Variants in SKI observed in about 807,000 individuals in gnomAD.
SKI encodes SKI proto-oncogene, also known as ski oncogene.
Under a neutral mutation model 59.3 loss-of-function variants are expected in SKI, and 23 were observed. That is an observed-to-expected ratio of 0.39 (90% CI 0.28 to 0.55). The LOEUF (loss-of-function observed/expected upper bound fraction) is 0.55, where lower values mean the gene tolerates loss of function less well. Among genes scored for constraint, SKI ranks in the 20% least tolerant of loss-of-function variants. The pLI is 0.67. For synonymous variants in SKI, 673 were observed against 488.6 expected (o/e 1.38, Z -4.98); for missense variants, 1,017 against 1,038.9 (o/e 0.98, Z 0.29).
chr1:2,270,560 T>TG lies in SKI; in HGVS notation c.970-32414dup, dbSNP rs1192412061. Among the ~76,000 whole-genome samples, 1 of 151,992 alleles carries TG rather than the reference T, an allele frequency of 6.6e-6. No individual in the cohort carries two copies. The highest frequency in any genetic ancestry group is 2.4e-5 in the African/African-American group (1 of 41,420). ...GCAGTGTGCAGTGTTGAGGGGGCGC[T>TG]GGGGAAACAAGCTGCCGGCTGAGGA... is the stretch of plus-strand genomic sequence containing the variant. On this transcript the variant is annotated intron_variant, in intron 1 of 6. Coordinates refer to ENST00000378536, the MANE Select transcript of SKI (RefSeq NM_003036.4). This position sits in a 1 kb window ranked among gnomAD's most constrained non-coding sequence, Gnocchi z 4.1.
chr1:2,283,660 G>C (rs1639965695), intron 1 of SKI, among the ~76,000 whole-genome samples: 2 of 152,194 alleles, frequency 1.3e-5, no homozygotes, highest in South Asian at 4.1e-4. Flanking sequence ...TCCAGCCCAG[G>C]GGGCTTCAGG....
chr1:2,240,603 G>T, intron 1 of SKI: 1 of 985,434 alleles, frequency 1.0e-6, no homozygotes. Flanking sequence ...ATTTTAAGAA[G>T]CAGAGTTCTC....
rs747283757 is a variant in SKI, at chr1:2,229,474, C to G, written c.708C>G (p.Leu236=). Residue 236 remains leucine (L), a synonymous_variant, in exon 1 of 7, where the codon CTC becomes CTG. Coordinates refer to ENST00000378536, the MANE Select transcript of SKI (RefSeq NM_003036.4). The surrounding 1 kb of genome is among the most constrained non-coding windows in gnomAD (Gnocchi z 6.3). Reference sequence around the variant, plus strand: ...GTAAGGGGCTGCTGGTGCCCGAGCTCTACAGCAGCCCGAGCGCCGCCTGCA... The same window carrying G: ...GTAAGGGGCTGCTGGTGCCCGAGCTGTACAGCAGCCCGAGCGCCGCCTGCA... ...GKCKGLLVPE[L]YSSPSAACIQ... is the part of the protein sequence containing the mutation. 1.9e-6 allele frequency: 3 copies of G among 1,611,828 alleles called. No homozygotes were observed. The highest frequency in any genetic ancestry group is 2.7e-5 in the African/African-American group (2 of 75,060).
At chr1:2,304,685 T>C in intron 5 of SKI, 100 bp downstream of exon 5, 4 of 1,453,634 alleles carry the variant, frequency 2.8e-6, no homozygotes, top group Non-Finnish European at 3.6e-6. Flanking sequence ...CCTTCCTGGC[T>C]GCCCCATGCG....
chr1:2,277,018 T>G (rs1435501026), intron 1 of SKI, among the ~76,000 whole-genome samples: 1 of 152,204 alleles, frequency 6.6e-6, no homozygotes, highest in African/African-American at 2.4e-5. Context: ...CTGTGGGTGC[T>G]GGAGCGGTTG....
At chr1:2,238,503 C>T (rs1030239928) in intron 1 of SKI, among the ~76,000 whole-genome samples, 7 of 152,222 alleles carry the variant, frequency 4.6e-5, no homozygotes, top group Non-Finnish European at 8.8e-5. Context: ...GGATGGGGGC[C>T]GGGCACTCCC....
chr1:2,267,697 C>T lies in SKI; in HGVS notation c.970-35281C>T, dbSNP rs1027819489. 7.9e-5 allele frequency among the ~76,000 whole-genome samples: 12 copies of T among 152,258 alleles called. No homozygotes were observed. The South Asian group carries it at 1.2e-3, about 16-fold the overall frequency. The stretch of plus-strand genomic sequence containing the variant: ...GCGCACCACACTTCAGGGATGCAGC[C>T]GGCCTTTGGGCTTCAGGAAACGCAG... On this transcript the variant is annotated intron_variant, in intron 1 of 6. Coordinates refer to ENST00000378536, the MANE Select transcript of SKI (RefSeq NM_003036.4). The surrounding 1 kb of genome is among the most constrained non-coding windows in gnomAD (Gnocchi z 4.1).
In SKI at chr1:2,301,140, C is replaced by T. The variant is rs532352432; in HGVS notation, c.970-1838C>T. ...GAAGCTCCACCCAGCCGGGCGTCCT[C>T]GGCCTTCTGTGCCTCTCGGGAGGGT... On this transcript the variant is annotated intron_variant, in intron 1 of 6. Coordinates refer to ENST00000378536, the MANE Select transcript of SKI (RefSeq NM_003036.4). Among the ~76,000 whole-genome samples the T allele has an allele frequency of 1.6e-4, 25 of 152,312 alleles. No individual in the cohort carries two copies. The South Asian group carries it at 3.1e-3, about 19-fold the overall frequency.
intron 1 of SKI, among the ~76,000 whole-genome samples, chr1:2,243,780 A>C (rs906356652): frequency 1.3e-5 from 2 of 152,150 alleles, no homozygotes; most frequent in African/African-American, 4.8e-5. Flanking sequence ...ACTGTCTGCC[A>C]GGCACCCTGT....
At position 2,304,320 on chromosome 1, in the gene SKI, C is replaced by A. The variant is rs1185606795; in HGVS notation, c.1502C>A (p.Ser501Tyr). 6.4e-7 allele frequency: 1 copy of A among 1,551,712 alleles called. No homozygotes were observed. Residue 501 changes from serine (S) to tyrosine (Y), a missense_variant, in exon 5 of 7, where the codon TCC (serine) becomes TAC (tyrosine). By Grantham distance (144) the Ser-to-Tyr change is moderately radical. Transcript: ENST00000378536. Reference protein sequence around the residue: ...EFTSSLSSLSSPSFTSSSSAK... With the variant: ...EFTSSLSSLSYPSFTSSSSAK... ...ACCTCCTCCTTGTCCTCGCTCTCTT[C>A]CCCGTCCTTTACCTCATCCAGCTCC... is the stretch of plus-strand genomic sequence containing the variant.
chr1:2,291,016 G>A (rs996352399), intron 1 of SKI, among the ~76,000 whole-genome samples: 6 of 152,194 alleles, frequency 3.9e-5, no homozygotes, highest in African/African-American at 1.2e-4. Flanking sequence ...ATTACGGGCC[G>A]CGCCTCCCAC....
Position 2,306,121 on chromosome 1 carries a change from C to T in SKI, c.1869C>T (p.Asn623=). Residue 623 remains asparagine (N), a synonymous_variant, in exon 6 of 7, where the codon AAC becomes AAT. Transcript: ENST00000378536. ...RKEIERLRAE[N]EKKMKEANES... is the part of the protein sequence containing the mutation. ...AGATCGAGCGTCTCCGCGCCGAGAA[C>T]GAGAAGAAGATGAAAGAGGCCAACG... is the stretch of plus-strand genomic sequence containing the variant. 1 of 1,598,692 alleles carries T rather than the reference C, an allele frequency of 6.3e-7. No homozygotes were observed. The highest frequency in any genetic ancestry group is 8.5e-7 in the Non-Finnish European group (1 of 1,174,000).
intron 1 of SKI, chr1:2,240,916 G>C (rs575844296): frequency 7.3e-6 from 4 of 551,166 alleles, no homozygotes; most frequent in Non-Finnish European, 9.2e-6. Context: ...CCTCAGCTGT[G>C]TTCAGCCCCT....
intron 1 of SKI, among the ~76,000 whole-genome samples, chr1:2,262,301 TCG>T: frequency 7.4e-6 from 1 of 135,086 alleles, no homozygotes; most frequent in East Asian, 2.3e-4. Context: ...ATGGGAGTGG[TCG>T]GAGTGGACAC....
intron 1 of SKI, among the ~76,000 whole-genome samples, chr1:2,292,893 CAA>C (rs1640195471): frequency 6.6e-6 from 1 of 152,186 alleles, no homozygotes; most frequent in Non-Finnish European, 1.5e-5. Flanking sequence ...GCCGCTGAGC[CAA>C]AGGCCGTGTC....
intron 1 of SKI, among the ~76,000 whole-genome samples, chr1:2,276,678 G>A (rs762609785): frequency 5.4e-4 from 82 of 152,356 alleles, no homozygotes; most frequent in Non-Finnish European, 1.1e-3. Context: ...GCTTTAGGCC[G>A]TGCACCCCAA....
intron 1 of SKI, among the ~76,000 whole-genome samples, chr1:2,266,770 G>A (rs1165329864): frequency 6.6e-6 from 1 of 152,198 alleles, no homozygotes; most frequent in Non-Finnish European, 1.5e-5. Flanking sequence ...GATAGAAAAT[G>A]AAGATGGTGC....
intron 1 of SKI, among the ~76,000 whole-genome samples, chr1:2,257,466 GGCTCCCTA>G (rs1639298000): frequency 6.6e-6 from 1 of 152,244 alleles, no homozygotes; most frequent in Non-Finnish European, 1.5e-5. Context: ...GCGTCGGCGT[GGCTCCCTA>G]GCGTCTGCCT....
intron 1 of SKI, among the ~76,000 whole-genome samples, chr1:2,245,509 G>T (rs1311273983): frequency 6.6e-6 from 1 of 152,204 alleles, no homozygotes; most frequent in Non-Finnish European, 1.5e-5. Flanking sequence ...ATCTTGCTCT[G>T]TTGCCCAGGC....
Sources: gnomAD v4.1 joint callset for allele counts (sites outside exome capture counted in the v4.1 genomes callset) on GRCh38, gnomAD v4.1.1 for gene constraint, Gnocchi (gnomAD v3.1) non-coding constraint, MANE v1.5 for transcripts, NCBI Gene and HGNC (gene_info 2026-07-23, HGNC 2026-07-21) for gene names.